The following SCML2 variants were observed in gnomAD, a reference collection of about 807,000 sequenced individuals.
SCML2 encodes the protein Scm polycomb group protein like 2.
Under a neutral mutation model 48.4 loss-of-function variants are expected in SCML2, and 6 were observed. The ratio of observed to expected loss-of-function variants is 0.12; its 90% CI spans 0.07 to 0.24. The LOEUF is 0.24. Among genes scored for constraint, SCML2 ranks in the 10% least tolerant of loss-of-function variants. The probability of loss-of-function intolerance (pLI) is 1.00; values close to 1 mark genes in which losing one functional copy is unlikely to be tolerated. For synonymous variants in SCML2, 181 were observed against 189.5 expected, an observed-to-expected ratio of 0.95 and a Z score of 0.37; for missense variants, 377 against 528.2, an observed-to-expected ratio of 0.71 and a Z score of 2.81.
intron 2 of SCML2, among the ~76,000 whole-genome samples, chrX:18,333,608 A>C (rs1297938972): frequency 1.8e-5 from 2 of 112,082 alleles, no homozygotes. Context: ...GCCAGAGGAA[A>C]AGTCATGAGA....
At chrX:18,248,023 T>C (rs1926513919) in intron 11 of SCML2, 141 bp from the exon 12 acceptor site, 2 of 436,248 alleles carry the variant, frequency 4.6e-6, no homozygotes. Flanking sequence ...TATTTGATGT[T>C]CATGAATAAC....
chrX:18,256,797 C>T (rs776570319), intron 11 of SCML2, 51 bp downstream of exon 11: 1 of 993,681 alleles, frequency 1.0e-6, no homozygotes. Flanking sequence ...AAAACAATTA[C>T]ACAAGATTCT....
At chrX:18,328,635 G>A (rs1352000592) in intron 3 of SCML2, among the ~76,000 whole-genome samples, 3 of 112,004 alleles carry the variant, frequency 2.7e-5, no homozygotes, top group African/African-American at 9.7e-5. Context: ...TCATGCCACT[G>A]CACTCTGGCC....
chrX:18,334,988 G>A (rs764982642), intron 1 of SCML2, among the ~76,000 whole-genome samples: 1 of 111,189 alleles, frequency 9.0e-6, no homozygotes, highest in East Asian at 2.8e-4. Context: ...AAGGCGGGTG[G>A]ATTTCTTGAG....
chrX:18,241,344 A>G lies in SCML2; in HGVS notation c.2010T>C (p.Ser670=). 8.4e-7 allele frequency: 1 copy of G among 1,187,973 alleles called. No individual in the cohort carries two copies. The highest frequency in any genetic ancestry group is 1.1e-6 in the Non-Finnish European group (1 of 882,615). Residue 670 remains serine (S), a synonymous_variant, in exon 15 of 15, where the codon AGT becomes AGC. Coordinates refer to ENST00000251900, the MANE Select transcript of SCML2 (RefSeq NM_006089.3). ...IDGKALFLLK[S]DVMMKYMGLK... ...GCCCCATATACTTCATCATCACATC[A>G]CTCTTGAGTAGGAACAGAGCCTTCC...
chrX:18,285,059 A>T (rs933045802), intron 7 of SCML2, among the ~76,000 whole-genome samples: 14 of 106,057 alleles, frequency 1.3e-4, no homozygotes, highest in Non-Finnish European at 2.5e-4. Context: ...AAAAAAAAAC[A>T]GATGTTGGCA....
intron 7 of SCML2, 32 bp from the exon 8 acceptor site, chrX:18,265,834 A>C (rs752797905): frequency 6.7e-6 from 7 of 1,049,875 alleles, no homozygotes; most frequent in Non-Finnish European, 3.9e-6. Context: ...ATATTAAAGT[A>C]AATGACACAA....
At chrX:18,254,800 T>C (rs1166118687) in intron 11 of SCML2, among the ~76,000 whole-genome samples, 1 of 110,966 alleles carries the variant, frequency 9.0e-6, no homozygotes, top group Admixed American at 9.6e-5. Context: ...GGCAGGTACC[T>C]GCAATCCCAG....
chrX:18,339,716 C>T (rs1221655198), intron 1 of SCML2, among the ~76,000 whole-genome samples: 2 of 111,398 alleles, frequency 1.8e-5, no homozygotes, highest in Non-Finnish European at 3.8e-5. Context: ...GACCCCAGCT[C>T]TAAAAATAAA....
chrX:18,323,710 CCT>C lies in SCML2; in HGVS notation c.397+147_397+148del. On this transcript the variant is annotated intron_variant, in intron 5 of 14. Coordinates refer to ENST00000251900, the MANE Select transcript of SCML2 (RefSeq NM_006089.3). ...ACTCCACAACAGATGGTGCTGATTTCCTCTCTCATCATACATTCTCCACAGCA... is the reference window on the plus strand; with the variant it reads ...ACTCCACAACAGATGGTGCTGATTTCCTCTCATCATACATTCTCCACAGCA... 2 of 469,820 alleles carry C rather than the reference CCT, an allele frequency of 4.3e-6. 1 individual carries two copies. The highest frequency in any genetic ancestry group is 6.8e-5 in the South Asian group (2 of 29,528). 38.7% of individuals were successfully genotyped at this position (469,820 alleles called of 1,213,427 possible). A position where few individuals can be genotyped will look rare whatever the true frequency, so the allele number is the denominator to read the frequency against.
intron 6 of SCML2, among the ~76,000 whole-genome samples, chrX:18,319,416 T>C (rs1308826320): frequency 9.2e-6 from 1 of 108,910 alleles, no homozygotes; most frequent in Admixed American, 9.8e-5. Flanking sequence ...CTGGCCAATA[T>C]GGTGAAACCC....
intron 7 of SCML2, among the ~76,000 whole-genome samples, chrX:18,290,594 T>C (rs1057173004): frequency 1.1e-4 from 12 of 111,562 alleles, no homozygotes; most frequent in African/African-American, 3.6e-4. Flanking sequence ...ACTTTGAACA[T>C]CCCATAATAA....
chrX:18,334,600 A>G (rs1171292054), intron 1 of SCML2, among the ~76,000 whole-genome samples: 2 of 111,169 alleles, frequency 1.8e-5, no homozygotes. Flanking sequence ...GTCAAGTCTA[A>G]CAAGAATTAT....
chrX:18,336,388 G>A (rs369953879), intron 1 of SCML2, among the ~76,000 whole-genome samples: 11 of 97,869 alleles, frequency 1.1e-4, no homozygotes, highest in Non-Finnish European at 1.8e-4. Context: ...GCAATGAGCC[G>A]AGATCATGCC....
intron 6 of SCML2, among the ~76,000 whole-genome samples, chrX:18,312,978 CGTGTGTGTGTGT>C (rs72406000): frequency 3.2e-5 from 3 of 94,994 alleles, no homozygotes; most frequent in African/African-American, 7.7e-5. Context: ...AATGGGTGTG[CGTGTGTGTGTGT>C]GTGTGTGTGT....
At chrX:18,297,325 G>A (rs1737352263) in intron 7 of SCML2, among the ~76,000 whole-genome samples, 1 of 112,177 alleles carries the variant, frequency 8.9e-6, no homozygotes, top group African/African-American at 3.2e-5. Context: ...AACAAGTCAA[G>A]AATGCCCACT....
chrX:18,327,886 G>A (rs1382282911), intron 3 of SCML2, among the ~76,000 whole-genome samples: 2 of 111,432 alleles, frequency 1.8e-5, no homozygotes, highest in Non-Finnish European at 3.8e-5. Context: ...ACACATCTAC[G>A]TCAATACCAC....
intron 7 of SCML2, among the ~76,000 whole-genome samples, chrX:18,285,984 T>G (rs905197619): frequency 2.7e-5 from 3 of 111,915 alleles, no homozygotes; most frequent in African/African-American, 9.7e-5. Context: ...CAACATATGC[T>G]TTTTAAAAGA....
intron 11 of SCML2, among the ~76,000 whole-genome samples, chrX:18,248,736 A>G (rs1027802552): frequency 7.1e-5 from 8 of 112,306 alleles, no homozygotes; most frequent in African/African-American, 2.6e-4. Context: ...ATATTTCTAC[A>G]ATTAAGACAT....
Sources: allele counts gnomAD v4.1 joint callset (sites outside exome capture counted in the v4.1 genomes callset), GRCh38; gene constraint gnomAD v4.1.1; transcripts MANE v1.5; gene names NCBI Gene and HGNC (gene_info 2026-07-23, HGNC 2026-07-21).